The following CCDC73 variants were observed in gnomAD, a reference collection of about 807,000 sequenced individuals.
CCDC73 encodes coiled-coil domain-containing protein 73.
CCDC73 carries 95 observed loss-of-function variants against 116.5 expected under a neutral mutation model. That is an observed-to-expected ratio of 0.82 (90% CI 0.69 to 0.97). The LOEUF (loss-of-function observed/expected upper bound fraction) is 0.97, where lower values mean the gene tolerates loss of function less well. CCDC73 is among the 50% of genes least tolerant of loss of function. The probability of loss-of-function intolerance (pLI) is 0.00; values close to 1 mark genes in which losing one functional copy is unlikely to be tolerated. For missense variants in CCDC73, 1,066 were observed against 1,206.8 expected, an observed-to-expected ratio of 0.88 and a Z score of 1.73; for synonymous variants, 398 against 401.3, an observed-to-expected ratio of 0.99 and a Z score of 0.10.
intron 9 of CCDC73, among the ~76,000 whole-genome samples, chr11:32,674,962 TATAC>T (rs1415064104): frequency 6.6e-6 from 1 of 152,146 alleles, no homozygotes; most frequent in African/African-American, 2.4e-5. Context: ...GTTCCTCAAA[TATAC>T]TAAACTCTTT....
chr11:32,791,337 G>A (rs147870852), intron 1 of CCDC73, among the ~76,000 whole-genome samples: 3 of 152,178 alleles, frequency 2.0e-5, no homozygotes, highest in Admixed American at 6.5e-5. Flanking sequence ...ATGTTCTAAG[G>A]GGCACAAGGC....
chr11:32,754,949 A>ACGAT (rs1428537772), intron 2 of CCDC73, among the ~76,000 whole-genome samples: 1 of 132,106 alleles, frequency 7.6e-6, no homozygotes, highest in Non-Finnish European at 1.5e-5. Flanking sequence ...GTACAATGGC[A>ACGAT]CGATCTTGGC....
At chr11:32,751,615 C>T (rs919802819) in intron 2 of CCDC73, among the ~76,000 whole-genome samples, 3 of 152,144 alleles carry the variant, frequency 2.0e-5, no homozygotes, top group Admixed American at 1.3e-4. Context: ...CTCCTTGAAC[C>T]GCACAGATTG....
chr11:32,816,789 T>C, the CCDC73 span, among the ~76,000 whole-genome samples: 17 of 152,204 alleles, frequency 1.1e-4, no homozygotes, highest in South Asian at 2.1e-4. Context: ...TTTTCTTTTC[T>C]TTTTATTTTT....
chr11:32,696,864 T>TA (rs1476411675), intron 6 of CCDC73, among the ~76,000 whole-genome samples: 1 of 152,028 alleles, frequency 6.6e-6, no homozygotes. Context: ...AAGGATTTTT[T>TA]TTTTTTTTTT....
In CCDC73 at chr11:32,785,528, A is replaced by G. The variant is rs150199006; in HGVS notation, c.-16+9085T>C. Among the ~76,000 whole-genome samples, 350 of 152,190 alleles carry G rather than the reference A, an allele frequency of 2.3e-3. 1 individual carries two copies. Among genetic ancestry groups the G allele is most frequent in the African/African-American group, 7.8e-3 (325 of 41,528 alleles). On this transcript the variant is annotated intron_variant, in intron 1 of 17. Transcript: ENST00000335185. The stretch of plus-strand genomic sequence containing the variant: ...GTGACCCTGCCACCTCAGCCTCCCA[A>G]GTAGCTGGGACTGTAGGCATGTGTC...
intron 17 of CCDC73, chr11:32,606,029 GTGGCTTGCT>G (rs1855347140): frequency 6.6e-6 from 1 of 151,448 alleles, no homozygotes; most frequent in Non-Finnish European, 1.5e-5. Context: ...AAAAAAGTAA[GTGGCTTGCT>G]TTGCTTACTC....
chr11:32,728,196 AAGCATGGTTGC>A (rs1196912232), intron 2 of CCDC73, among the ~76,000 whole-genome samples: 1 of 152,164 alleles, frequency 6.6e-6, no homozygotes, highest in East Asian at 1.9e-4. Flanking sequence ...GAATGCGGTG[AAGCATGGTTGC>A]ACCATTGCAC....
intron 3 of CCDC73, among the ~76,000 whole-genome samples, chr11:32,704,737 A>G (rs933015689): frequency 6.6e-6 from 1 of 152,192 alleles, no homozygotes; most frequent in Non-Finnish European, 1.5e-5. Flanking sequence ...TTGGCCAATC[A>G]AGTGGTATTT....
chr11:32,699,306 G>T lies in CCDC73; in HGVS notation c.335C>A (p.Thr112Lys). 1 of 1,571,514 alleles carries T rather than the reference G, an allele frequency of 6.4e-7. No homozygotes were observed. Among genetic ancestry groups the T allele is most frequent in the Non-Finnish European group, 8.7e-7 (1 of 1,154,732 alleles). The stretch of plus-strand genomic sequence containing the variant: ...TTCTATTTCTTTTTCCTTTATTTCT[G>T]TAGCAAGTTGATATTTTCCCTTTAA... ...EEEKGKYQLA[T>K]EIKEKEIEGL... The change falls in exon 6 of 18, where the codon ACA (threonine) becomes AAA (lysine). Residue 112 changes from threonine (T) to lysine (K), a missense_variant. Coordinates refer to ENST00000335185, the MANE Select transcript of CCDC73 (RefSeq NM_001008391.4).
At chr11:32,686,921 A>G (rs1320573413) in intron 6 of CCDC73, among the ~76,000 whole-genome samples, 1 of 152,244 alleles carries the variant, frequency 6.6e-6, no homozygotes, top group Non-Finnish European at 1.5e-5. Context: ...GAACAAAACT[A>G]TACTGATGCT....
intron 9 of CCDC73, among the ~76,000 whole-genome samples, chr11:32,667,334 T>C (rs984746888): frequency 2.0e-5 from 3 of 150,234 alleles, no homozygotes; most frequent in African/African-American, 7.4e-5. Flanking sequence ...CCTGGCCGCT[T>C]TGTTTACCTA....
At chr11:32,720,748 T>C (rs1849983046) in intron 2 of CCDC73, among the ~76,000 whole-genome samples, 1 of 152,182 alleles carries the variant, frequency 6.6e-6, no homozygotes. Flanking sequence ...AACCAAAATT[T>C]AAAATGCAAC....
chr11:32,660,946 T>G (rs1855917347), intron 9 of CCDC73, among the ~76,000 whole-genome samples: 1 of 152,110 alleles, frequency 6.6e-6, no homozygotes, highest in Non-Finnish European at 1.5e-5. Flanking sequence ...AAAGAAAAGG[T>G]GAAGTAATGA....
At chr11:32,727,611 C>T (rs918947681) in intron 2 of CCDC73, among the ~76,000 whole-genome samples, 3 of 152,050 alleles carry the variant, frequency 2.0e-5, no homozygotes, top group African/African-American at 7.2e-5. Flanking sequence ...CTCGCTCTGT[C>T]CCCCAGGCTG....
At chr11:32,611,602 G>A (rs1855423356) in intron 16 of CCDC73, among the ~76,000 whole-genome samples, 1 of 152,088 alleles carries the variant, frequency 6.6e-6, no homozygotes, top group Admixed American at 6.6e-5. Context: ...ACACATGTAA[G>A]CATTTGTATA....
chr11:32,730,914 C>T lies in CCDC73; in HGVS notation c.136-12767G>A, dbSNP rs983751717. On this transcript the variant is annotated intron_variant, in intron 2 of 17. Coordinates refer to ENST00000335185, the MANE Select transcript of CCDC73 (RefSeq NM_001008391.4). ...CCGGGTGCATCTCACTGGGGCTTGT[C>T]GGACAGTAAGTGCAGGGCAGTGGGT... Among the ~76,000 whole-genome samples, 48 of 152,256 alleles carry T rather than the reference C, an allele frequency of 3.2e-4. 1 individual carries two copies. Among genetic ancestry groups the T allele is most frequent in the African/African-American group, 9.6e-4 (40 of 41,546 alleles).
At chr11:32,676,283 TTC>T (rs1332785435) in intron 7 of CCDC73, among the ~76,000 whole-genome samples, 1 of 152,190 alleles carries the variant, frequency 6.6e-6, no homozygotes, top group Non-Finnish European at 1.5e-5. Flanking sequence ...TGTTTGCAAT[TTC>T]TTTTTCAAAA....
At chr11:32,666,954 G>A (rs377129507) in intron 9 of CCDC73, among the ~76,000 whole-genome samples, 3 of 152,316 alleles carry the variant, frequency 2.0e-5, no homozygotes, top group African/African-American at 4.8e-5. Flanking sequence ...GCTATCACCA[G>A]CAGAGGCTGC....
Sources: allele counts gnomAD v4.1 joint callset (sites outside exome capture counted in the v4.1 genomes callset), GRCh38; gene constraint gnomAD v4.1.1; transcripts MANE v1.5; gene names NCBI Gene and HGNC (gene_info 2026-07-23, HGNC 2026-07-21).